Variants in TGFB2 observed in about 807,000 individuals in gnomAD.
TGFB2 encodes the protein transforming growth factor beta-2 proprotein.
TGFB2 carries 13 observed loss-of-function variants against 42.7 expected under a neutral mutation model. The ratio of observed to expected loss-of-function variants is 0.30; its 90% CI spans 0.20 to 0.48. TGFB2 has a LOEUF of 0.48. Ranked by LOEUF, TGFB2 falls within the 20% of genes least tolerant of loss-of-function variation. TGFB2 has a pLI of 0.99. For synonymous variants in TGFB2, 193 were observed against 193.6 expected, an observed-to-expected ratio of 1.00 and a Z score of 0.03; for missense variants, 390 against 517.5, an observed-to-expected ratio of 0.75 and a Z score of 2.39.
In TGFB2 at chr1:218,397,284, C is replaced by A. The variant is rs1658551290; in HGVS notation, c.347-7885C>A. Among the ~76,000 whole-genome samples, 3 of 144,222 alleles carry A rather than the reference C, an allele frequency of 2.1e-5. No homozygotes were observed. The Admixed American group carries it at 2.1e-4, about 10-fold the overall frequency. 94.6% of individuals were successfully genotyped at this position (144,222 alleles called of 152,430 possible). The stretch of plus-strand genomic sequence containing the variant: ...CTCCATCTAAAAAAAAAAAAAAAGG[C>A]CGGGCGCGGTGGCTTATGCCTGTAA... On this transcript the variant is annotated intron_variant, in intron 1 of 6. Coordinates refer to ENST00000366930, the MANE Select transcript of TGFB2 (RefSeq NM_003238.6).
rs1256918688 is a variant in TGFB2, at chr1:218,443,224, A to C, written c.*1862A>C. ...ACCTTGCTTTAATAAATAATTTGCC[A>C]CATCATTGCAGAAGAGGTATCCTCA... On this transcript the variant is annotated 3_prime_UTR_variant, in exon 7 of 7. Coordinates refer to ENST00000366930, the MANE Select transcript of TGFB2 (RefSeq NM_003238.6). 1.3e-5 allele frequency: 2 copies of C among 152,230 alleles called. No homozygotes were observed. The highest frequency in any genetic ancestry group is 2.9e-5 in the Non-Finnish European group (2 of 68,038). 9.4% of individuals were successfully genotyped at this position (152,230 alleles called of 1,614,324 possible). A position where few individuals can be genotyped will look rare whatever the true frequency, so the allele number is the denominator to read the frequency against.
At chr1:218,406,192 T>TACACAAACAC (rs1658905157) in intron 2 of TGFB2, among the ~76,000 whole-genome samples, 1 of 148,984 alleles carries the variant, frequency 6.7e-6, no homozygotes, top group Non-Finnish European at 1.5e-5. Context: ...ACCCACTCAA[T>TACACAAACAC]ACACACACAC....
intron 5 of TGFB2, among the ~76,000 whole-genome samples, chr1:218,437,098 A>G (rs113174986): frequency 1.2e-4 from 19 of 152,338 alleles, no homozygotes; most frequent in African/African-American, 3.8e-4. Flanking sequence ...CAGACAAGGA[A>G]GTCAGGGTAT....
intron 1 of TGFB2, among the ~76,000 whole-genome samples, chr1:218,367,861 T>C (rs1657436941): frequency 6.6e-6 from 1 of 152,152 alleles, no homozygotes; most frequent in South Asian, 2.1e-4. Flanking sequence ...TAGAAGGCAG[T>C]GGTCCATCTC....
chr1:218,437,194 A>G (rs1659997349), intron 5 of TGFB2, 149 bp from the exon 6 acceptor site: 3 of 816,886 alleles, frequency 3.7e-6, no homozygotes, highest in Admixed American at 5.0e-5. Context: ...CAATAAAGCC[A>G]TTAAAACCTG....
At chr1:218,375,179 C>T (rs17558745) in intron 1 of TGFB2, among the ~76,000 whole-genome samples, 35,911 of 152,022 alleles carry the variant, frequency 0.24, 5,275 homozygotes, top group South Asian at 0.37. Context: ...GTATAACAGA[C>T]GGTGGTCCCT....
chr1:218,404,938 A>T (rs1658856943), intron 1 of TGFB2, among the ~76,000 whole-genome samples: 1 of 152,172 alleles, frequency 6.6e-6, no homozygotes, highest in Admixed American at 6.5e-5. Context: ...TTTCAAATGG[A>T]GTTGGAAGTG....
intron 6 of TGFB2, among the ~76,000 whole-genome samples, chr1:218,440,534 G>A (rs1435010390): frequency 6.6e-5 from 10 of 152,160 alleles, no homozygotes; most frequent in Non-Finnish European, 1.0e-4. Flanking sequence ...ACAGGCGTGA[G>A]CCACCGTGCC....
At chr1:218,438,563 G>A (rs1191580234) in intron 6 of TGFB2, among the ~76,000 whole-genome samples, 3 of 152,062 alleles carry the variant, frequency 2.0e-5, no homozygotes, top group African/African-American at 2.4e-5. Context: ...AAAATGACTT[G>A]AAAATTCGTT....
chr1:218,393,909 CT>C (rs756984581), intron 1 of TGFB2, among the ~76,000 whole-genome samples: 333 of 137,008 alleles, frequency 2.4e-3, no homozygotes, highest in Middle Eastern at 3.8e-3. Context: ...GCATCGGCCT[CT>C]TTTTTTTTTT....
chr1:218,432,710 G>A lies in TGFB2; in HGVS notation c.511-1372G>A, dbSNP rs144479550. On this transcript the variant is annotated intron_variant, in intron 2 of 6. Transcript: ENST00000366930. ...TCAATTGAGTGCTATGGTTTGAAAC[G>A]ATATCAAATTGAAGACATGATCCCT... is the stretch of plus-strand genomic sequence containing the variant. Among the ~76,000 whole-genome samples, 212 of 152,262 alleles carry A rather than the reference G, an allele frequency of 1.4e-3. 2 individuals carry two copies. Among genetic ancestry groups the A allele is most frequent in the Middle Eastern group, 0.01 (3 of 294 alleles).
At chr1:218,347,175 C>CT (rs1656715413) in intron 1 of TGFB2, 128 bp downstream of exon 1, 1 of 755,212 alleles carries the variant, frequency 1.3e-6, no homozygotes, top group African/African-American at 1.8e-5. Context: ...TTCTCCTGTC[C>CT]TTCACCCCAC....
chr1:218,359,132 A>T (rs551105199), intron 1 of TGFB2, among the ~76,000 whole-genome samples: 10 of 152,246 alleles, frequency 6.6e-5, no homozygotes, highest in African/African-American at 2.4e-4. Flanking sequence ...GGAAGTAGCC[A>T]AGCAGAAGCA....
At chr1:218,415,802 T>G (rs1008152922) in intron 2 of TGFB2, among the ~76,000 whole-genome samples, 1 of 151,962 alleles carries the variant, frequency 6.6e-6, no homozygotes, top group African/African-American at 2.4e-5. Flanking sequence ...CCTCAGTTTT[T>G]CATCTGAAAC....
intron 1 of TGFB2, among the ~76,000 whole-genome samples, chr1:218,375,041 T>G (rs547131123): frequency 9.2e-5 from 14 of 152,214 alleles, no homozygotes; most frequent in Non-Finnish European, 1.9e-4. Flanking sequence ...AAAAAGATTT[T>G]TTTTTATTGC....
At chr1:218,369,826 TA>T (rs1657515739) in intron 1 of TGFB2, among the ~76,000 whole-genome samples, 1 of 152,228 alleles carries the variant, frequency 6.6e-6, no homozygotes, top group Admixed American at 6.5e-5. Flanking sequence ...CTGCATGCAA[TA>T]GAAGGGCTTT....
intron 1 of TGFB2, among the ~76,000 whole-genome samples, chr1:218,372,000 A>G (rs892400757): frequency 6.6e-6 from 1 of 152,094 alleles, no homozygotes; most frequent in Non-Finnish European, 1.5e-5. Flanking sequence ...CTGCTGTGTA[A>G]CCCTCAACAC....
At chr1:218,408,373 A>G (rs1386462923) in intron 2 of TGFB2, among the ~76,000 whole-genome samples, 1 of 152,182 alleles carries the variant, frequency 6.6e-6, no homozygotes, top group African/African-American at 2.4e-5. Flanking sequence ...CGCAAGTGAC[A>G]TGATGTGCAT....
chr1:218,365,848 G>A (rs1657370373), intron 1 of TGFB2, among the ~76,000 whole-genome samples: 1 of 152,180 alleles, frequency 6.6e-6, no homozygotes, highest in South Asian at 2.1e-4. Context: ...GTCACCTTGC[G>A]TGAACCGCCT....
Sources: gnomAD v4.1 joint callset for allele counts (sites outside exome capture counted in the v4.1 genomes callset) on GRCh38, gnomAD v4.1.1 for gene constraint, MANE v1.5 for transcripts, NCBI Gene and HGNC (gene_info 2026-07-23, HGNC 2026-07-21) for gene names.